USP18: variants seen among roughly 807,000 people sequenced by gnomAD.
The protein encoded by USP18 is ubl carboxyl-terminal hydrolase 18.
USP18 carries 11 observed loss-of-function variants against 48.7 expected under a neutral mutation model. That is an observed-to-expected ratio of 0.23 (90% CI 0.14 to 0.37). The LOEUF (loss-of-function observed/expected upper bound fraction) is 0.37, where lower values mean the gene tolerates loss of function less well. USP18 is among the 10% of genes least tolerant of loss of function. The probability of loss-of-function intolerance (pLI) is 1.00; values close to 1 mark genes in which losing one functional copy is unlikely to be tolerated. For synonymous variants in USP18, 114 were observed against 163.2 expected (o/e 0.70, Z 2.30); for missense variants, 285 against 436.4 (o/e 0.65, Z 3.09).
rs370857749 is a variant in USP18 at position 18,173,115 on chromosome 22, G to C, written c.892-35G>C. ...TGTGTGAGGCAGTCGTGTTTGTGGTGGTGGGTGAACTGTCTCGTGCCTGTC... is the reference window on the plus strand; with the variant it reads ...TGTGTGAGGCAGTCGTGTTTGTGGTCGTGGGTGAACTGTCTCGTGCCTGTC... On this transcript the variant is annotated intron_variant, in intron 8 of 10. Transcript: ENST00000215794. The C allele has an allele frequency of 1.2e-5, 20 of 1,603,078 alleles. No homozygotes were observed. The East Asian group carries it at 2.0e-4, about 16-fold the overall frequency.
intron 2 of USP18, 57 bp from the exon 3 acceptor site, chr22:18,160,115 T>C (rs1929287076): frequency 1.9e-6 from 3 of 1,545,200 alleles, no homozygotes; most frequent in Non-Finnish European, 2.7e-6. Flanking sequence ...TGCCCAGCCT[T>C]GTCAACTTCT....
chr22:18,162,290 T>TC (rs1280723509), intron 4 of USP18, among the ~76,000 whole-genome samples: 331 of 147,822 alleles, frequency 2.2e-3, no homozygotes, highest in African/African-American at 8.0e-3. Context: ...AGGTTAGGTT[T>TC]TTTTTTTTTT....
intron 2 of USP18, among the ~76,000 whole-genome samples, chr22:18,159,833 G>A (rs1250099578): frequency 1.5e-4 from 23 of 152,030 alleles, no homozygotes; most frequent in Non-Finnish European, 5.9e-5. Context: ...CCACCACCAC[G>A]CCCGGCTAAT....
intron 5 of USP18, among the ~76,000 whole-genome samples, chr22:18,167,568 G>T (rs1929507380): frequency 6.6e-6 from 1 of 151,898 alleles, no homozygotes; most frequent in African/African-American, 2.4e-5. Flanking sequence ...CGTGGTGGCG[G>T]GAGCCTGTAG....
chr22:18,157,574 G>T lies in USP18; in HGVS notation c.-90G>T. On this transcript the variant is annotated 5_prime_UTR_variant, in exon 2 of 11. Transcript: ENST00000215794. The stretch of plus-strand genomic sequence containing the variant: ...TTTTCACAGAGATTCCATCGTGCCT[G>T]GCTCACATAAGCGCTTCCTGGAAGT... The T allele has an allele frequency of 6.5e-7, 1 of 1,540,184 alleles. No homozygotes were observed. Among genetic ancestry groups the T allele is most frequent in the South Asian group, 1.2e-5 (1 of 84,272 alleles).
chr22:18,176,074 A>T (rs1929782235), intron 10 of USP18, among the ~76,000 whole-genome samples: 1 of 120,270 alleles, frequency 8.3e-6, no homozygotes, highest in Non-Finnish European at 1.7e-5. Flanking sequence ...TGAGGTCAGG[A>T]GATTGAGACC....
chr22:18,167,406 G>T, intron 5 of USP18, 72 bp downstream of exon 5: 1 of 1,563,752 alleles, frequency 6.4e-7, no homozygotes, highest in Non-Finnish European at 8.8e-7. Flanking sequence ...TGTTGTTCCC[G>T]TAGTGTGTAG....
chr22:18,173,591 T>A (rs1044843682), intron 9 of USP18, among the ~76,000 whole-genome samples: 9 of 152,208 alleles, frequency 5.9e-5, no homozygotes, highest in Admixed American at 2.6e-4. Flanking sequence ...GCCTCTGGGA[T>A]AAGCATGACC....
At position 18,169,772 on chromosome 22, in the gene USP18, G is replaced by A. The variant is rs541192581; in HGVS notation, c.628-72G>A. The A allele has an allele frequency of 2.6e-6, 4 of 1,522,478 alleles. No homozygotes were observed. In the East Asian group the frequency reaches 9.8e-5, roughly 37 times the overall value. 94.3% of individuals were successfully genotyped at this position (1,522,478 alleles called of 1,614,324 possible). A position where few individuals can be genotyped will look rare whatever the true frequency, so the allele number is the denominator to read the frequency against. ...CAGCTATTGTCTCACAGCAGTGTGA[G>A]AACAGATGAATATAGTATTCTAGGT... On this transcript the variant is annotated intron_variant, in intron 6 of 10. Transcript: ENST00000215794.
At chr22:18,166,053 T>G (rs1022394629) in intron 4 of USP18, among the ~76,000 whole-genome samples, 1 of 152,246 alleles carries the variant, frequency 6.6e-6, no homozygotes, top group African/African-American at 2.4e-5. Context: ...CATTTTTTTT[T>G]GTATCAGAGT....
intron 8 of USP18, among the ~76,000 whole-genome samples, chr22:18,171,213 C>T (rs1335009943): frequency 2.9e-4 from 22 of 75,104 alleles, no homozygotes; most frequent in Non-Finnish European, 3.6e-4. Flanking sequence ...CTTTCTTCCT[C>T]AGATGGCCTG....
chr22:18,160,923 C>A (rs1214143278), intron 3 of USP18, among the ~76,000 whole-genome samples: 1 of 152,014 alleles, frequency 6.6e-6, no homozygotes, highest in Non-Finnish European at 1.5e-5. Context: ...GCGCCCGCCA[C>A]CACACCTGGC....
At chr22:18,158,324 C>A (rs373122207) in intron 2 of USP18, among the ~76,000 whole-genome samples, 15 of 152,178 alleles carry the variant, frequency 9.9e-5, no homozygotes, top group Non-Finnish European at 1.0e-4. Flanking sequence ...AATAATAGTA[C>A]CAAGCACATA....
intron 1 of USP18, among the ~76,000 whole-genome samples, chr22:18,153,786 T>C (rs1242494640): frequency 6.6e-6 from 1 of 152,112 alleles, no homozygotes; most frequent in Non-Finnish European, 1.5e-5. Context: ...TTTTTGAGCT[T>C]TCACATATGA....
At chr22:18,173,895 G>A in intron 10 of USP18, 53 bp downstream of exon 10, 6 of 1,511,238 alleles carry the variant, frequency 4.0e-6, no homozygotes, top group African/African-American at 1.4e-5. Flanking sequence ...TAGGGTCCTT[G>A]GAGCTGCATG....
At chr22:18,158,373 C>G (rs1929229042) in intron 2 of USP18, among the ~76,000 whole-genome samples, 1 of 152,222 alleles carries the variant, frequency 6.6e-6, no homozygotes. Context: ...TCTGTGGAAA[C>G]TGCTTTAAGC....
Position 18,167,832 on chromosome 22 carries a change from G to A in USP18, c.481-58G>A, listed in dbSNP as rs988095499. 14 of 1,560,252 alleles carry A rather than the reference G, an allele frequency of 9.0e-6. No individual in the cohort carries two copies. In the African/African-American group the frequency reaches 1.2e-4, roughly 14 times the overall value. Reference sequence around the variant, plus strand: ...CTCTTGGCTCCACCTTCTGGCAGTTGGCCTGACCTGGCTTATGGTGGTGTT... The same window carrying A: ...CTCTTGGCTCCACCTTCTGGCAGTTAGCCTGACCTGGCTTATGGTGGTGTT... On this transcript the variant is annotated intron_variant, in intron 5 of 10. Transcript: ENST00000215794.
chr22:18,164,396 C>A (rs1419425040), intron 4 of USP18, among the ~76,000 whole-genome samples: 3 of 152,168 alleles, frequency 2.0e-5, no homozygotes, highest in Non-Finnish European at 4.4e-5. Flanking sequence ...GCCTTGTCAG[C>A]TCCCAAAGCT....
intron 7 of USP18, among the ~76,000 whole-genome samples, chr22:18,170,437 C>T (rs998834169): frequency 8.5e-5 from 13 of 152,208 alleles, no homozygotes; most frequent in African/African-American, 3.1e-4. Context: ...CAGGAGGGCG[C>T]CTGAGAGCAG....
Sources: allele counts gnomAD v4.1 joint callset (sites outside exome capture counted in the v4.1 genomes callset), GRCh38; gene constraint gnomAD v4.1.1; transcripts MANE v1.5; gene names NCBI Gene and HGNC (gene_info 2026-07-23, HGNC 2026-07-21).